The following MPRIP variants were observed in gnomAD, a reference collection of about 807,000 sequenced individuals.
MPRIP encodes the protein myosin phosphatase Rho-interacting protein.
In MPRIP, 59 loss-of-function variants were observed where a neutral mutation model predicts 234.9. The observed-to-expected ratio is 0.25, with a 90% CI of 0.20 to 0.31. The LOEUF is 0.31. Among genes scored for constraint, MPRIP ranks in the 10% least tolerant of loss-of-function variants. The probability of loss-of-function intolerance (pLI) is 1.00; values close to 1 mark genes in which losing one functional copy is unlikely to be tolerated. For synonymous variants in MPRIP, 1,144 were observed against 1,263.9 expected (o/e 0.91, Z 2.01); for missense variants, 2,436 against 3,071.0 (o/e 0.79, Z 4.89).
At chr17:17,172,177 C>G (rs1311616645) in intron 17 of MPRIP, among the ~76,000 whole-genome samples, 1 of 152,252 alleles carries the variant, frequency 6.6e-6, no homozygotes, top group Non-Finnish European at 1.5e-5. Flanking sequence ...CAGCCAGTGA[C>G]TTTCCCCCTG....
chr17:17,069,630 A>G (rs1393529076), intron 1 of MPRIP, among the ~76,000 whole-genome samples: 3 of 151,950 alleles, frequency 2.0e-5, no homozygotes, highest in Non-Finnish European at 4.4e-5. Flanking sequence ...TTATATAGAC[A>G]TAACTTGTCA....
Position 17,042,821 on chromosome 17 carries a change from C to G in MPRIP, c.-28C>G, listed in dbSNP as rs1241673172. 2.1e-6 allele frequency: 3 copies of G among 1,405,514 alleles called. No homozygotes were observed. The African/African-American group carries it at 4.5e-5, about 21-fold the overall frequency. The allele number at this position is 1,405,514 out of a possible 1,614,324, so 87.1% of individuals were successfully genotyped here. A position where few individuals can be genotyped will look rare whatever the true frequency, so the allele number is the denominator to read the frequency against. On this transcript the variant is annotated 5_prime_UTR_variant, in exon 1 of 24. Transcript: ENST00000651222. ...AGGCCGGCCAGGCCTGCGCCGCCGC[C>G]GCCGCCGCCGTCGCCGCCGCGCCGA...
chr17:17,065,764 C>T (rs1411032939), intron 1 of MPRIP, among the ~76,000 whole-genome samples: 2 of 152,178 alleles, frequency 1.3e-5, no homozygotes, highest in Admixed American at 1.3e-4. Context: ...TGAGAATAGA[C>T]ATCTTAGAAT....
At chr17:17,128,298 C>T (rs1226763026) in intron 4 of MPRIP, among the ~76,000 whole-genome samples, 1 of 152,130 alleles carries the variant, frequency 6.6e-6, no homozygotes, top group Non-Finnish European at 1.5e-5. Flanking sequence ...AGTCCTGGGT[C>T]TCCAGGGCAA....
intron 3 of MPRIP, among the ~76,000 whole-genome samples, chr17:17,104,769 C>G (rs574938281): frequency 6.6e-6 from 1 of 152,220 alleles, no homozygotes; most frequent in African/African-American, 2.4e-5. Flanking sequence ...GGAGCACCCA[C>G]GCTTCCAGTC....
intron 7 of MPRIP, among the ~76,000 whole-genome samples, chr17:17,141,281 C>T (rs1352618753): frequency 1.3e-5 from 2 of 152,152 alleles, no homozygotes; most frequent in South Asian, 2.1e-4. Context: ...GTGTGGTGGA[C>T]GCCTGGCTTG....
rs761890781 is a variant in MPRIP, at chr17:17,136,480, A to G, written c.736+30A>G. 7.6e-6 allele frequency: 12 copies of G among 1,585,444 alleles called. No individual in the cohort carries two copies. The Admixed American group carries it at 1.7e-4, about 23-fold the overall frequency. On this transcript the variant is annotated intron_variant, in intron 6 of 23. Coordinates refer to ENST00000651222, the MANE Select transcript of MPRIP (RefSeq NM_001364716.4). ...GCGGAGGCCAGGCTGGCTTGTATGC[A>G]CGGGAATGGCCCTCCCTCCCATCAG...
Position 17,185,762 on chromosome 17 carries a change from A to T in MPRIP, c.*868A>T, listed in dbSNP as rs879243247. Reference sequence around the variant, plus strand: ...GTTTGGGGGTTTGGGTTTTTTTTTTACCTTTTGGAAAAGAAACCGTCACAT... The same window carrying T: ...GTTTGGGGGTTTGGGTTTTTTTTTTTCCTTTTGGAAAAGAAACCGTCACAT... On this transcript the variant is annotated 3_prime_UTR_variant, in exon 24 of 24. Coordinates refer to ENST00000651222, the MANE Select transcript of MPRIP (RefSeq NM_001364716.4). The T allele has an allele frequency of 2.9e-6, 1 of 339,176 alleles. No homozygotes were observed. Among genetic ancestry groups the T allele is most frequent in the Non-Finnish European group, 5.8e-6 (1 of 172,764 alleles). The allele number at this position is 339,176 out of a possible 1,614,324, so 21.0% of individuals were successfully genotyped here.
At chr17:17,112,095 G>C (rs1020380720) in intron 3 of MPRIP, among the ~76,000 whole-genome samples, 7 of 152,178 alleles carry the variant, frequency 4.6e-5, no homozygotes, top group Non-Finnish European at 7.4e-5. Flanking sequence ...GCATGCTGCT[G>C]CGCTTTTCCA....
chr17:17,147,700 CT>C (rs911543951), intron 11 of MPRIP, among the ~76,000 whole-genome samples: 40 of 152,254 alleles, frequency 2.6e-4, no homozygotes, highest in African/African-American at 9.1e-4. Flanking sequence ...TTTCTCTGTT[CT>C]TTGAAAAACA....
intron 1 of MPRIP, among the ~76,000 whole-genome samples, chr17:17,059,234 G>A (rs1468625749): frequency 2.0e-5 from 3 of 152,188 alleles, no homozygotes; most frequent in African/African-American, 7.2e-5. Flanking sequence ...AGACAGCTGG[G>A]TTCTCAGAGC....
chr17:17,123,204 GA>G (rs2144365866), intron 3 of MPRIP, among the ~76,000 whole-genome samples: 1 of 152,358 alleles, frequency 6.6e-6, no homozygotes, highest in Non-Finnish European at 1.5e-5. Context: ...TTGAGGTGGG[GA>G]CAGGTGTCAA....
Position 17,158,895 on chromosome 17 carries a change from C to T in MPRIP, c.2293C>T (p.Pro765Ser), listed in dbSNP as rs764237633. Residue 765 changes from proline to serine, a missense_variant, in exon 14 of 24, where the codon CCT (proline) becomes TCT (serine). Around this residue, in one of 4 missense-constraint regions of MPRIP, gnomAD observed 1,998 missense variants for 2,520.3 expected, o/e 0.79. Transcript: ENST00000651222. ...GCGGTGGCATCAGGTGGAGACCACA[C>T]CTCTCCGGGAAGAGAAGCAGGTGCC... is the stretch of plus-strand genomic sequence containing the variant. The part of the protein sequence containing the change: ...EQRWHQVETT[P>S]LREEKQVPIA... 11 of 1,612,238 alleles carry T rather than the reference C, an allele frequency of 6.8e-6. No homozygotes were observed. Among genetic ancestry groups the T allele is most frequent in the East Asian group, 2.2e-5 (1 of 44,892 alleles).
chr17:17,097,851 T>C (rs765852797), intron 3 of MPRIP, among the ~76,000 whole-genome samples: 1 of 152,190 alleles, frequency 6.6e-6, no homozygotes, highest in Admixed American at 6.5e-5. Context: ...CCAGAGGCTA[T>C]TGAGAGAAGC....
At chr17:17,063,591 G>A (rs1334626790) in intron 1 of MPRIP, among the ~76,000 whole-genome samples, 2 of 152,164 alleles carry the variant, frequency 1.3e-5, no homozygotes, top group African/African-American at 4.8e-5. Flanking sequence ...ACTGTTTGAG[G>A]CCTGCCCTCT....
intron 1 of MPRIP, among the ~76,000 whole-genome samples, chr17:17,060,543 C>G (rs1209922720): frequency 2.6e-5 from 4 of 152,088 alleles, no homozygotes. Flanking sequence ...GCCTCGGTTT[C>G]CTGGGGTATA....
At chr17:17,116,907 C>A (rs1006637926) in intron 3 of MPRIP, among the ~76,000 whole-genome samples, 1 of 152,208 alleles carries the variant, frequency 6.6e-6, no homozygotes, top group Non-Finnish European at 1.5e-5. Flanking sequence ...AGAATCTGCA[C>A]GGTACTCAGC....
intron 8 of MPRIP, 100 bp from the exon 9 acceptor site, chr17:17,143,456 A>G (rs2045375490): frequency 1.4e-6 from 1 of 694,338 alleles, no homozygotes. Context: ...GCCAGGAGCA[A>G]GGCCCTGGCG....
rs1360230043 is a variant in MPRIP at position 17,136,460 on chromosome 17, G to A, written c.736+10G>A. 1.9e-6 allele frequency: 3 copies of A among 1,603,756 alleles called. No homozygotes were observed. Among genetic ancestry groups the A allele is most frequent in the Admixed American group, 1.7e-5 (1 of 58,966 alleles). ...CTAGAGAGCAAAGAAGGTGAGCGGA[G>A]GCCAGGCTGGCTTGTATGCACGGGA... On this transcript the variant is annotated intron_variant, in intron 6 of 23. Transcript: ENST00000651222.
Sources: allele counts gnomAD v4.1 joint callset (sites outside exome capture counted in the v4.1 genomes callset), GRCh38; gene constraint gnomAD v4.1.1; regional missense constraint gnomAD v4.1.1; transcripts MANE v1.5; gene names NCBI Gene and HGNC (gene_info 2026-07-23, HGNC 2026-07-21).